The following FNDC8 variants were observed in gnomAD, a reference collection of about 807,000 sequenced individuals.
The protein encoded by FNDC8 is fibronectin type III domain containing 8.
A neutral mutation model predicts 24.8 loss-of-function variants in FNDC8; 23 were observed. That is an observed-to-expected ratio of 0.93 (90% CI 0.67 to 1.31). The LOEUF (loss-of-function observed/expected upper bound fraction) is 1.31. Ranked by LOEUF, FNDC8 falls within the 40% of genes most tolerant of loss-of-function variation. The pLI, the probability that FNDC8 is intolerant of heterozygous loss-of-function variation, is 0.00. For synonymous variants in FNDC8, 158 were observed against 165.3 expected (o/e 0.96, Z 0.34); for missense variants, 371 against 398.2 (o/e 0.93, Z 0.58).
Position 35,130,676 on chromosome 17 carries a change from C to T in FNDC8, c.*242C>T. The T allele has an allele frequency of 1.9e-6, 1 of 520,334 alleles. No homozygotes were observed. The highest frequency in any genetic ancestry group is 2.5e-5 in the South Asian group (1 of 40,316). 32.2% of individuals were successfully genotyped at this position (520,334 alleles called of 1,614,324 possible). ...GCCCACAGCTGCTAGACTCCCTCCT[C>T]CTCCAAATCTGGGCTGGGTCTAGGT... On this transcript the variant is annotated 3_prime_UTR_variant, in exon 4 of 4. Transcript: ENST00000158009.
chr17:35,125,711 C>T (rs1244235946), intron 1 of FNDC8, among the ~76,000 whole-genome samples: 2 of 152,042 alleles, frequency 1.3e-5, no homozygotes, highest in Non-Finnish European at 2.9e-5. Flanking sequence ...ACTTGTCGGT[C>T]GAAGGATGGG....
intron 1 of FNDC8, 85 bp downstream of exon 1, chr17:35,121,987 CT>C (rs60097491): frequency 0.45 from 283,391 of 631,768 alleles, 16,183 homozygotes; most frequent in African/African-American, 0.52. Context: ...TCCTTCCTTC[CT>C]TTTTTTTTTT....
Position 35,127,207 on chromosome 17 carries a change from A to G in FNDC8, c.375A>G (p.Pro125=). ...EGELNKLSFS[P]MAKNAENEDL... ...AGCTGAACAAACTCAGCTTCTCCCC[A>G]ATGGCCAAGAATGCAGAAAATGAGG... Residue 125 remains proline, a synonymous_variant, in exon 2 of 4, where the codon CCA becomes CCG. Transcript: ENST00000158009. The G allele has an allele frequency of 6.2e-7, 1 of 1,613,978 alleles. No individual in the cohort carries two copies. The highest frequency in any genetic ancestry group is 8.5e-7 in the Non-Finnish European group (1 of 1,179,908).
At chr17:35,130,228 A>G in intron 3 of FNDC8, 54 bp from the exon 4 acceptor site, 1 of 1,587,916 alleles carries the variant, frequency 6.3e-7, no homozygotes, top group Non-Finnish European at 8.6e-7. Flanking sequence ...ACAGAGAGAG[A>G]GCCAGGTTCA....
In FNDC8 at chr17:35,129,440, T is replaced by C; in HGVS notation, c.604T>C (p.Leu202=). The C allele has an allele frequency of 6.2e-7, 1 of 1,613,990 alleles. No homozygotes were observed. The highest frequency in any genetic ancestry group is 1.1e-5 in the South Asian group (1 of 91,080). ...CCCCTAGATTTCCTGGACCTACGCC[T>C]TGGGCAAGCAGCCGGTCAGTTTCTA... is the stretch of plus-strand genomic sequence containing the variant. The part of the protein sequence containing the change: ...STAVISWTYA[L]GKQPVSFYQL... Residue 202 remains leucine, a synonymous_variant, in exon 3 of 4, where the codon TTG becomes CTG. Transcript: ENST00000158009.
intron 1 of FNDC8, among the ~76,000 whole-genome samples, chr17:35,123,237 G>A (rs2091837049): frequency 6.6e-6 from 1 of 152,166 alleles, no homozygotes. Context: ...ACTTCAATTT[G>A]CACTGGGCTC....
At chr17:35,124,595 AGAGT>A (rs67565338) in intron 1 of FNDC8, among the ~76,000 whole-genome samples, 1,909 of 152,310 alleles carry the variant, frequency 0.013, 36 homozygotes, top group African/African-American at 0.043. Flanking sequence ...CATTGCACAC[AGAGT>A]AAGTGTTGGT....
chr17:35,130,252 A>G, intron 3 of FNDC8, 30 bp from the exon 4 acceptor site: 1 of 1,609,354 alleles, frequency 6.2e-7, no homozygotes, highest in Non-Finnish European at 8.5e-7. Flanking sequence ...CTGGGAAGGA[A>G]CTCTGAAGGG....
chr17:35,124,964 C>T (rs149591901), intron 1 of FNDC8, among the ~76,000 whole-genome samples: 201 of 151,258 alleles, frequency 1.3e-3, no homozygotes, highest in Middle Eastern at 3.4e-3. Flanking sequence ...ACGAGAATCG[C>T]TTAAGCCAGG....
intron 3 of FNDC8, 119 bp from the exon 4 acceptor site, chr17:35,130,163 G>A: frequency 4.7e-6 from 7 of 1,476,586 alleles, no homozygotes; most frequent in Non-Finnish European, 5.4e-6. Flanking sequence ...TGGCTAGGTT[G>A]GATAAGGCTG....
intron 2 of FNDC8, chr17:35,128,608 A>C (rs2091858788): frequency 6.6e-6 from 1 of 152,466 alleles, no homozygotes; most frequent in Non-Finnish European, 1.5e-5. Context: ...CTAGTCGATA[A>C]GATGATCTCT....
chr17:35,126,118 C>T (rs759834315), intron 1 of FNDC8, among the ~76,000 whole-genome samples: 2 of 152,056 alleles, frequency 1.3e-5, no homozygotes, highest in Admixed American at 6.6e-5. Flanking sequence ...GTCAAGGTTT[C>T]GCTATGTTGG....
At chr17:35,129,115 T>G in intron 2 of FNDC8, 1 of 304,470 alleles carries the variant, frequency 3.3e-6, no homozygotes, top group Non-Finnish European at 6.3e-6. Context: ...TGCTGTGCTA[T>G]CCAGTTCCTA....
Position 35,127,085 on chromosome 17 carries a change from AC to A in FNDC8, c.255del (p.Ser86AlafsTer10). 1 of 1,613,308 alleles carries A rather than the reference AC, an allele frequency of 6.2e-7. No homozygotes were observed. The highest frequency in any genetic ancestry group is 8.5e-7 in the Non-Finnish European group (1 of 1,179,546). On this transcript the variant is annotated frameshift_variant, in exon 2 of 4. Transcript: ENST00000158009. LOFTEE classifies it high-confidence loss of function. ...GGATTCAGACTGCAGCTCTGATGAG[AC>A]CAGCATCTCTGCCTTCTCATCCACC... The part of the protein sequence containing the change: ...VEDSDCSSDE[T>X]SISAFSSTLL...
chr17:35,130,454 C>T lies in FNDC8; in HGVS notation c.*20C>T. 6.2e-7 allele frequency: 1 copy of T among 1,608,598 alleles called. No individual in the cohort carries two copies. The highest frequency in any genetic ancestry group is 8.5e-7 in the Non-Finnish European group (1 of 1,177,180). The stretch of plus-strand genomic sequence containing the variant: ...TGTTAAGGGGGAGGGCCCCAGGACA[C>T]CCCTCACCTACTTTCAGCTTCAACC... On this transcript the variant is annotated 3_prime_UTR_variant, in exon 4 of 4. Coordinates refer to ENST00000158009, the MANE Select transcript of FNDC8 (RefSeq NM_017559.4).
chr17:35,122,477 C>T (rs563508554), intron 1 of FNDC8, among the ~76,000 whole-genome samples: 1 of 151,942 alleles, frequency 6.6e-6, no homozygotes, highest in East Asian at 1.9e-4. Flanking sequence ...TATTCCTGAG[C>T]CCCAAATCAC....
chr17:35,122,251 A>C (rs2091832803), intron 1 of FNDC8, among the ~76,000 whole-genome samples: 1 of 128,068 alleles, frequency 7.8e-6, no homozygotes, highest in Admixed American at 8.8e-5. Flanking sequence ...CGTGTTGCCC[A>C]GGCTGGTCTT....
At chr17:35,128,840 G>T in intron 2 of FNDC8, 1 of 174,850 alleles carries the variant, frequency 5.7e-6, no homozygotes, top group Non-Finnish European at 1.2e-5. Context: ...TAGAAACTGT[G>T]GGAGCCCTGA....
At position 35,127,337 on chromosome 17, in the gene FNDC8, C is replaced by A; in HGVS notation, c.505C>A (p.His169Asn). The part of the protein sequence containing the change: ...PELETETSST[H>N]SESSVVVDLP... ...GCTGGAGACAGAAACCTCCTCAACG[C>A]ACTCAGAATCTTCTGTGGTTGTGGA... Residue 169 changes from histidine (H) to asparagine (N), a missense_variant, in exon 2 of 4, where the codon CAC (histidine) becomes AAC (asparagine). Coordinates refer to ENST00000158009, the MANE Select transcript of FNDC8 (RefSeq NM_017559.4). 1 of 1,609,644 alleles carries A rather than the reference C, an allele frequency of 6.2e-7. No individual in the cohort carries two copies.
Sources: gnomAD v4.1 joint callset for allele counts (sites outside exome capture counted in the v4.1 genomes callset) on GRCh38, gnomAD v4.1.1 for gene constraint, MANE v1.5 for transcripts, NCBI Gene and HGNC (gene_info 2026-07-23, HGNC 2026-07-21) for gene names.